Variants in RBFOX1 observed in about 807,000 individuals in gnomAD.
RBFOX1 encodes the protein RNA binding protein fox-1 homolog 1.
Under a neutral mutation model 57.7 loss-of-function variants are expected in RBFOX1, and 8 were observed. The observed-to-expected ratio is 0.14, with a 90% CI of 0.08 to 0.25. The LOEUF is 0.25. RBFOX1 is among the 10% of genes least tolerant of loss of function. The pLI, the probability that RBFOX1 is intolerant of heterozygous loss-of-function variation, is 1.00. For missense variants in RBFOX1, 611 were observed against 548.5 expected, an observed-to-expected ratio of 1.11 and a Z score of -1.14; for synonymous variants, 326 against 222.4, an observed-to-expected ratio of 1.47 and a Z score of -4.15.
intron 3 of RBFOX1, among the ~76,000 whole-genome samples, chr16:6,944,086 A>G (rs973951358): frequency 3.9e-5 from 6 of 152,120 alleles, no homozygotes. Flanking sequence ...GCTCAGGCCC[A>G]GGCTAGACTC....
intron 4 of RBFOX1, among the ~76,000 whole-genome samples, chr16:5,973,608 G>A (rs1203639295): frequency 1.3e-5 from 2 of 152,324 alleles, no homozygotes; most frequent in Admixed American, 1.3e-4. Context: ...ACTAGGCCAT[G>A]GGGTGCCCAG....
At chr16:5,365,475 C>A (rs1370888681) in intron 1 of RBFOX1, among the ~76,000 whole-genome samples, 3 of 152,146 alleles carry the variant, frequency 2.0e-5, no homozygotes, top group Non-Finnish European at 4.4e-5. Context: ...TGAGACCAGC[C>A]TGGCCAACCT....
intron 2 of RBFOX1, among the ~76,000 whole-genome samples, chr16:6,421,272 G>A (rs1378698339): frequency 5.3e-5 from 8 of 152,178 alleles, no homozygotes; most frequent in East Asian, 3.9e-4. Context: ...ATCTGGAGCC[G>A]CTCTCTATGG....
At chr16:7,199,274 A>T (rs1028377815) in intron 4 of RBFOX1, among the ~76,000 whole-genome samples, 2 of 152,144 alleles carry the variant, frequency 1.3e-5, no homozygotes, top group African/African-American at 4.8e-5. Flanking sequence ...TAATAAATAC[A>T]CCAAAGTGCC....
chr16:6,810,489 G>T (rs187527036), intron 3 of RBFOX1, among the ~76,000 whole-genome samples: 61 of 152,230 alleles, frequency 4.0e-4, no homozygotes, highest in African/African-American at 1.4e-3. Context: ...CACCGTTCAT[G>T]AGTCTTGATT....
At chr16:6,774,134 A>C in intron 3 of RBFOX1, 1 of 447,786 alleles carries the variant, frequency 2.2e-6, no homozygotes, top group Non-Finnish European at 2.9e-6. Flanking sequence ...TATCGGAACA[A>C]AGACCGGCAC....
chr16:7,659,108 G>T (rs184780603), intron 12 of RBFOX1, among the ~76,000 whole-genome samples: 74 of 152,304 alleles, frequency 4.9e-4, no homozygotes, highest in African/African-American at 1.7e-3. Context: ...CTCTGAGTAA[G>T]ATTTTCTGCC....
chr16:6,295,460 C>T (rs893058933), intron 1 of RBFOX1, among the ~76,000 whole-genome samples: 3 of 152,278 alleles, frequency 2.0e-5, no homozygotes, highest in East Asian at 3.9e-4. Context: ...TTTGTATGCT[C>T]AGCCTTCCAG....
chr16:6,257,541 A>T (rs1207726121), intron 1 of RBFOX1, among the ~76,000 whole-genome samples: 1 of 151,926 alleles, frequency 6.6e-6, no homozygotes, highest in Non-Finnish European at 1.5e-5. Flanking sequence ...CTTACTACCC[A>T]TTAGTTATTT....
chr16:6,765,652 G>T (rs1260834885), intron 3 of RBFOX1, among the ~76,000 whole-genome samples: 3 of 152,108 alleles, frequency 2.0e-5, no homozygotes, highest in East Asian at 3.9e-4. Flanking sequence ...ACCCAATACT[G>T]GGTCTCTACC....
At chr16:5,770,747 A>C (rs1438147531) in intron 3 of RBFOX1, among the ~76,000 whole-genome samples, 1 of 152,230 alleles carries the variant, frequency 6.6e-6, no homozygotes. Flanking sequence ...TCCACTGTTT[A>C]AACACCTAAT....
chr16:7,149,904 A>C (rs1318161201), intron 4 of RBFOX1, among the ~76,000 whole-genome samples: 6 of 152,080 alleles, frequency 3.9e-5, no homozygotes, highest in Admixed American at 2.6e-4. Context: ...GTCTCATCTA[A>C]ACTCCAGCCA....
intron 1 of RBFOX1, among the ~76,000 whole-genome samples, chr16:6,105,917 A>G (rs891699823): frequency 2.6e-5 from 4 of 152,042 alleles, no homozygotes; most frequent in Non-Finnish European, 5.9e-5. Context: ...GATAAACTTA[A>G]TGGTCATAGT....
intron 1 of RBFOX1, among the ~76,000 whole-genome samples, chr16:5,281,473 T>C (rs113321941): frequency 6.6e-6 from 1 of 152,174 alleles, no homozygotes; most frequent in Non-Finnish European, 1.5e-5. Context: ...AATCTAATGT[T>C]TCTTTGTTGA....
At chr16:5,720,629 C>T (rs2051895674) in intron 3 of RBFOX1, among the ~76,000 whole-genome samples, 1 of 152,136 alleles carries the variant, frequency 6.6e-6, no homozygotes, top group Non-Finnish European at 1.5e-5. Context: ...GAAGGAGATC[C>T]AACTTCATTC....
chr16:7,619,130 G>T (rs904053444), intron 10 of RBFOX1, among the ~76,000 whole-genome samples: 3 of 152,058 alleles, frequency 2.0e-5, no homozygotes, highest in Non-Finnish European at 4.4e-5. Flanking sequence ...TAAATCTGAT[G>T]CAAAGGTTAA....
At chr16:6,483,324 C>T in intron 2 of RBFOX1, 3 of 1,464,556 alleles carry the variant, frequency 2.0e-6, no homozygotes, top group Non-Finnish European at 2.7e-6. Flanking sequence ...TCGGGGCGTT[C>T]TGCACCTGCT....
chr16:5,774,400 G>T (rs2054079701), intron 3 of RBFOX1, among the ~76,000 whole-genome samples: 1 of 152,190 alleles, frequency 6.6e-6, no homozygotes, highest in African/African-American at 2.4e-5. Context: ...TCACGTAGAT[G>T]ATTTTAGAAA....
At chr16:6,426,072 G>A (rs114619187) in intron 2 of RBFOX1, among the ~76,000 whole-genome samples, 125 of 144,320 alleles carry the variant, frequency 8.7e-4, no homozygotes, top group African/African-American at 2.8e-3. Flanking sequence ...CTGTCTCTCT[G>A]TCTCATTTTC....
Sources: gnomAD v4.1 joint callset for allele counts (sites outside exome capture counted in the v4.1 genomes callset) on GRCh38, gnomAD v4.1.1 for gene constraint, MANE v1.5 for transcripts, NCBI Gene and HGNC (gene_info 2026-07-23, HGNC 2026-07-21) for gene names.